The following HIBCH variants were observed in gnomAD, a reference collection of about 807,000 sequenced individuals.
HIBCH encodes the protein 3-hydroxyisobutyryl-CoA hydrolase, mitochondrial.
In HIBCH, 50 loss-of-function variants were observed where a neutral mutation model predicts 58.2. The observed-to-expected ratio is 0.86, with a 90% CI of 0.68 to 1.09. The LOEUF (loss-of-function observed/expected upper bound fraction) is 1.09, where lower values mean the gene tolerates loss of function less well. HIBCH is among the 50% of genes least tolerant of loss of function. The pLI, the probability that HIBCH is intolerant of heterozygous loss-of-function variation, is 0.00. For missense variants in HIBCH, 450 were observed against 449.7 expected, an observed-to-expected ratio of 1.00 and a Z score of -0.01; for synonymous variants, 151 against 146.9, an observed-to-expected ratio of 1.03 and a Z score of -0.20.
At chr2:190,193,604 C>T (rs530768505) in intron 1 of HIBCH, among the ~76,000 whole-genome samples, 1 of 152,110 alleles carries the variant, frequency 6.6e-6, no homozygotes, top group East Asian at 1.9e-4. Flanking sequence ...TTTCTTGTGC[C>T]AATTTTGGTA....
chr2:190,211,113 G>A lies in HIBCH; in HGVS notation c.1011+1843C>T, dbSNP rs1468001020. 6.6e-6 allele frequency among the ~76,000 whole-genome samples: 1 copy of A among 152,114 alleles called. No homozygotes were observed. Among genetic ancestry groups the A allele is most frequent in the Non-Finnish European group, 1.5e-5 (1 of 68,022 alleles). ...TGCCTTTTCAACCTCAACCCCTGGA[G>A]CACACCTATGTACCTGGAACCTATG... On this transcript the variant is annotated intron_variant, in intron 12 of 13. Coordinates refer to ENST00000359678, the MANE Select transcript of HIBCH (RefSeq NM_014362.4). The surrounding 1 kb of genome is among the most constrained non-coding windows in gnomAD (Gnocchi z 5.0).
chr2:190,299,164 T>C (rs1205557207), intron 2 of HIBCH, among the ~76,000 whole-genome samples: 2 of 152,178 alleles, frequency 1.3e-5, no homozygotes, highest in Non-Finnish European at 2.9e-5. Context: ...AGAATGCCAA[T>C]TAAAACTAAA....
chr2:190,205,112 T>C lies in HIBCH; in HGVS notation c.*5A>G, dbSNP rs376553813. ...CTACAAAATATACCTTAAAAGCCTG[T>C]CACCTCAAAATTTCAAATCACTGCT... On this transcript the variant is annotated 3_prime_UTR_variant, in exon 14 of 14. Coordinates refer to ENST00000359678, the MANE Select transcript of HIBCH (RefSeq NM_014362.4). The C allele has an allele frequency of 6.6e-7, 1 of 1,515,086 alleles. No homozygotes were observed. The highest frequency in any genetic ancestry group is 9.2e-7 in the Non-Finnish European group (1 of 1,092,144). The allele number at this position is 1,515,086 out of a possible 1,614,324, so 93.9% of individuals were successfully genotyped here. A position where few individuals can be genotyped will look rare whatever the true frequency, so the allele number is the denominator to read the frequency against.
At chr2:190,192,502 C>CTATA (rs1341184105) in intron 1 of HIBCH, among the ~76,000 whole-genome samples, 1 of 137,952 alleles carries the variant, frequency 7.2e-6, no homozygotes, top group African/African-American at 2.9e-5. Context: ...ATCTATATAT[C>CTATA]TATATATATA....
At chr2:190,260,395 C>T (rs1328971386) in intron 7 of HIBCH, 1 of 152,136 alleles carries the variant, frequency 6.6e-6, no homozygotes, top group East Asian at 1.9e-4. Flanking sequence ...TTAAAGACCA[C>T]TTACATAAAT....
At position 190,190,684 on chromosome 2, in the gene HIBCH, G is replaced by GC. The variant is rs1409684449; in HGVS notation, c.*18-688dup. Among the ~76,000 whole-genome samples the GC allele has an allele frequency of 3.9e-5, 6 of 152,248 alleles. No individual in the cohort carries two copies. In the East Asian group the frequency reaches 1.2e-3, roughly 29 times the overall value. On this transcript the variant is annotated intron_variant, in intron 1 of 1. Coordinates refer to the HIBCH transcript ENST00000399855. ...CATTCCTTCCAGCAATATATGCGTT[G>GC]CATGTCCTCACCAACACTAAGCACT...
chr2:190,253,453 A>G (rs1248037529), intron 7 of HIBCH, among the ~76,000 whole-genome samples: 1 of 152,178 alleles, frequency 6.6e-6, no homozygotes, highest in Non-Finnish European at 1.5e-5. Context: ...ATCTCAAACT[A>G]GCTAGGTCTC....
At chr2:190,252,443 C>T (rs1238373408) in intron 7 of HIBCH, 136 bp from the exon 8 acceptor site, 2 of 747,118 alleles carry the variant, frequency 2.7e-6, no homozygotes, top group East Asian at 5.4e-5. Flanking sequence ...AAACTAAGTA[C>T]TATACACTGC....
At position 190,209,150 on chromosome 2, in the gene HIBCH, T is replaced by A. The variant is rs953029350; in HGVS notation, c.1012-237A>T. 2.0e-5 allele frequency among the ~76,000 whole-genome samples: 3 copies of A among 152,192 alleles called. No homozygotes were observed. Among genetic ancestry groups the A allele is most frequent in the Non-Finnish European group, 4.4e-5 (3 of 68,034 alleles). On this transcript the variant is annotated intron_variant, in intron 12 of 13. Coordinates refer to ENST00000359678, the MANE Select transcript of HIBCH (RefSeq NM_014362.4). This position sits in a 1 kb window ranked among gnomAD's most constrained non-coding sequence, Gnocchi z 5.6. Reference sequence around the variant, plus strand: ...ATCTTACTGAGGTCCACAGATCCTATGACTTTCTCCCCATCTGTGCTGGCT... The same window carrying A: ...ATCTTACTGAGGTCCACAGATCCTAAGACTTTCTCCCCATCTGTGCTGGCT...
intron 7 of HIBCH, among the ~76,000 whole-genome samples, chr2:190,252,556 C>G (rs965823641): frequency 2.6e-5 from 4 of 152,084 alleles, no homozygotes; most frequent in Non-Finnish European, 5.9e-5. Flanking sequence ...TTTGATGACA[C>G]AATGTTTTGT....
intron 11 of HIBCH, among the ~76,000 whole-genome samples, chr2:190,223,887 C>T (rs926764140): frequency 3.9e-5 from 6 of 152,348 alleles, no homozygotes; most frequent in East Asian, 1.9e-4. Context: ...TGAGGTACCA[C>T]GTTCATCTCA....
intron 7 of HIBCH, among the ~76,000 whole-genome samples, chr2:190,258,550 A>T (rs896559911): frequency 5.9e-5 from 9 of 152,180 alleles, no homozygotes; most frequent in Non-Finnish European, 1.3e-4. Context: ...CTATTTGTCT[A>T]TGCACAGACC....
In HIBCH at chr2:190,207,700, G is replaced by T. The variant is rs1359952632; in HGVS notation, c.1045+1180C>A. Reference sequence around the variant, plus strand: ...GTTCAAGACCAGCCTGGCCAACATGGTGAAACCCCGTTTCTACTAAAAATA... The same window carrying T: ...GTTCAAGACCAGCCTGGCCAACATGTTGAAACCCCGTTTCTACTAAAAATA... On this transcript the variant is annotated intron_variant, in intron 13 of 13. Coordinates refer to ENST00000359678, the MANE Select transcript of HIBCH (RefSeq NM_014362.4). This position sits in a 1 kb window ranked among gnomAD's most constrained non-coding sequence, Gnocchi z 4.5. Among the ~76,000 whole-genome samples, 1 of 152,092 alleles carries T rather than the reference G, an allele frequency of 6.6e-6. No homozygotes were observed. Among genetic ancestry groups the T allele is most frequent in the Non-Finnish European group, 1.5e-5 (1 of 68,022 alleles).
chr2:190,288,065 C>T (rs1687874559), intron 5 of HIBCH, among the ~76,000 whole-genome samples: 1 of 151,338 alleles, frequency 6.6e-6, no homozygotes, highest in African/African-American at 2.4e-5. Flanking sequence ...GTGGGAGGAA[C>T]ACTTGATCAC....
chr2:190,244,889 T>C lies in HIBCH; in HGVS notation c.889A>G (p.Lys297Glu). The change falls in exon 11 of 14, where the codon AAG (lysine) becomes GAG (glutamate). Residue 297 changes from lysine (K) to glutamate (E), a missense_variant and splice_region_variant. Lys to Glu is a moderately conservative substitution (Grantham distance 56). Transcript: ENST00000359678. ...GGCAGAAAGGATTCCAATATTACCT[T>C]CAATTGCTCTAGGGCAAAAGATGAA... ...DGSSFALEQLKVINKMSPTSL... is the reference protein window; with the variant it reads ...DGSSFALEQLEVINKMSPTSL... The C allele has an allele frequency of 6.3e-7, 1 of 1,599,130 alleles. No homozygotes were observed. Among genetic ancestry groups the C allele is most frequent in the Non-Finnish European group, 8.6e-7 (1 of 1,166,340 alleles).
rs929110734 is a variant in HIBCH at position 190,304,311 on chromosome 2, A to T, written c.78+6443T>A. Among the ~76,000 whole-genome samples the T allele has an allele frequency of 9.9e-5, 15 of 152,130 alleles. No individual in the cohort carries two copies. The highest frequency in any genetic ancestry group is 3.1e-4 in the African/African-American group (13 of 41,506). On this transcript the variant is annotated intron_variant, in intron 2 of 13. Coordinates refer to ENST00000359678, the MANE Select transcript of HIBCH (RefSeq NM_014362.4). This position sits in a 1 kb window ranked among gnomAD's most constrained non-coding sequence, Gnocchi z 4.1. ...CTTAGTTATGGAGGCTGATGTCCAA[A>T]GTCAAAAGGATACATCTAGTGAGGG...
Position 190,312,946 on chromosome 2 carries a change from A to AGTGG in HIBCH, c.36-2151_36-2150insCCAC, listed in dbSNP as rs1688597241. Among the ~76,000 whole-genome samples the AGTGG allele has an allele frequency of 5.3e-5, 8 of 152,316 alleles. No individual in the cohort carries two copies. In the South Asian group the frequency reaches 1.4e-3, roughly 28 times the overall value. On this transcript the variant is annotated intron_variant, in intron 1 of 13. Coordinates refer to ENST00000359678, the MANE Select transcript of HIBCH (RefSeq NM_014362.4). The stretch of plus-strand genomic sequence containing the variant: ...AAACCCCGTTTCCACTAAAAGTACA[A>AGTGG]AAATTAGCCAGGCATGGTGGTGGGC...
chr2:190,205,096 A>G lies in HIBCH; in HGVS notation c.*21T>C. ...AGATTGCCAACCCATGCTACAAAAT[A>G]TACCTTAAAAGCCTGTCACCTCAAA... is the stretch of plus-strand genomic sequence containing the variant. On this transcript the variant is annotated 3_prime_UTR_variant, in exon 14 of 14. Transcript: ENST00000359678. 4 of 1,384,142 alleles carry G rather than the reference A, an allele frequency of 2.9e-6. No individual in the cohort carries two copies. The highest frequency in any genetic ancestry group is 4.1e-6 in the Non-Finnish European group (4 of 973,982). 85.7% of individuals were successfully genotyped at this position (1,384,142 alleles called of 1,614,324 possible).
intron 6 of HIBCH, among the ~76,000 whole-genome samples, chr2:190,269,900 A>C (rs1426283448): frequency 1.3e-5 from 2 of 152,222 alleles, no homozygotes; most frequent in Non-Finnish European, 2.9e-5. Context: ...CCATAAAAAA[A>C]ACAATGAGTT....
Sources: allele counts gnomAD v4.1 joint callset (sites outside exome capture counted in the v4.1 genomes callset), GRCh38; gene constraint gnomAD v4.1.1; non-coding constraint Gnocchi (gnomAD v3.1); transcripts MANE v1.5; gene names NCBI Gene and HGNC (gene_info 2026-07-23, HGNC 2026-07-21).